The following FRMD4B variants were observed in gnomAD, a reference collection of about 807,000 sequenced individuals.
FRMD4B encodes FERM domain-containing protein 4B.
Under a neutral mutation model 141.5 loss-of-function variants are expected in FRMD4B, and 74 were observed. That is an observed-to-expected ratio of 0.52 (90% CI 0.43 to 0.63). The LOEUF (loss-of-function observed/expected upper bound fraction) is 0.63, where lower values mean the gene tolerates loss of function less well. Ranked by LOEUF, FRMD4B falls within the 30% of genes least tolerant of loss-of-function variation. FRMD4B has a pLI of 0.00. For missense variants in FRMD4B, 1,366 were observed against 1,253.4 expected (o/e 1.09, Z -1.36); for synonymous variants, 506 against 467.9 (o/e 1.08, Z -1.05).
intron 7 of FRMD4B, among the ~76,000 whole-genome samples, chr3:69,238,024 G>A (rs1032512285): frequency 6.6e-6 from 1 of 152,162 alleles, no homozygotes; most frequent in Non-Finnish European, 1.5e-5. Context: ...GAGCCACAGC[G>A]CCCATCCACT....
chr3:69,521,612 C>G (rs554383558), intron 1 of FRMD4B, among the ~76,000 whole-genome samples: 1 of 152,180 alleles, frequency 6.6e-6, no homozygotes, highest in Non-Finnish European at 1.5e-5. Context: ...AAATGCTCAA[C>G]CATGGCCTAC....
intron 1 of FRMD4B, among the ~76,000 whole-genome samples, chr3:69,368,900 A>C (rs1703746696): frequency 1.3e-5 from 2 of 152,172 alleles, no homozygotes; most frequent in Non-Finnish European, 2.9e-5. Flanking sequence ...GGCTCAAGCA[A>C]TTCTCTCACC....
At chr3:69,314,032 G>A (rs1448720699) in intron 1 of FRMD4B, among the ~76,000 whole-genome samples, 6 of 144,550 alleles carry the variant, frequency 4.2e-5, no homozygotes, top group African/African-American at 1.0e-4. Context: ...CCAGCTACTC[G>A]GGAGGCTGAG....
upstream of FRMD4B, among the ~76,000 whole-genome samples, chr3:69,387,027 A>G (rs957760315): frequency 1.3e-5 from 2 of 152,164 alleles, no homozygotes; most frequent in African/African-American, 4.8e-5. Flanking sequence ...TCACTAGATA[A>G]TTAATCTTAT....
intron 1 of FRMD4B, among the ~76,000 whole-genome samples, chr3:69,359,879 C>T (rs772922452): frequency 3.3e-5 from 5 of 152,120 alleles, no homozygotes. Context: ...TCTTGAAATC[C>T]ATTTTACAAA....
In FRMD4B at chr3:69,380,615, G is replaced by A. The variant is rs577937853; in HGVS notation, c.162+5213C>T. 5.4e-4 allele frequency among the ~76,000 whole-genome samples: 82 copies of A among 152,262 alleles called. No homozygotes were observed. In the Middle Eastern group the frequency reaches 0.014, roughly 25 times the overall value. On this transcript the variant is annotated intron_variant, in intron 1 of 22. Transcript: ENST00000398540. The stretch of plus-strand genomic sequence containing the variant: ...TTCAGAGAGGGAAAGCAATTTGTCC[G>A]AGGTCAAATTTGCTCAAGTTGAGCC...
chr3:69,357,877 T>C (rs1168364724), intron 1 of FRMD4B, among the ~76,000 whole-genome samples: 2 of 152,200 alleles, frequency 1.3e-5, no homozygotes, highest in Non-Finnish European at 2.9e-5. Context: ...TCATAACTTC[T>C]CATCCTTCTC....
chr3:69,472,092 A>G (rs9310158), intron 1 of FRMD4B: 37,598 of 177,754 alleles, frequency 0.21, 5,385 homozygotes, highest in African/African-American at 0.43. Context: ...GTCTTCCACT[A>G]GCTTCCAAAG....
intron 1 of FRMD4B, among the ~76,000 whole-genome samples, chr3:69,502,754 A>G (rs1397959709): frequency 6.6e-6 from 1 of 152,208 alleles, no homozygotes; most frequent in East Asian, 1.9e-4. Flanking sequence ...GGCAACTTAC[A>G]GAATGGGAGA....
chr3:69,300,884 C>T (rs996671867), intron 4 of FRMD4B, among the ~76,000 whole-genome samples: 1 of 152,070 alleles, frequency 6.6e-6, no homozygotes, highest in Admixed American at 6.5e-5. Flanking sequence ...TACAGATGCC[C>T]ACCACCAAGC....
chr3:69,236,444 G>C (rs566118297), intron 7 of FRMD4B, among the ~76,000 whole-genome samples: 1 of 152,182 alleles, frequency 6.6e-6, no homozygotes, highest in South Asian at 2.1e-4. Context: ...GGCCAGGCTG[G>C]TCTGGAACTC....
chr3:69,533,156 C>A (rs754875902), intron 1 of FRMD4B, among the ~76,000 whole-genome samples: 3 of 152,180 alleles, frequency 2.0e-5, no homozygotes, highest in Non-Finnish European at 4.4e-5. Flanking sequence ...TATTTGATAA[C>A]TTTGGATGCT....
At chr3:69,418,014 A>T (rs62251450) in intron 2 of FRMD4B, among the ~76,000 whole-genome samples, 41,584 of 152,004 alleles carry the variant, frequency 0.27, 6,142 homozygotes, top group East Asian at 0.44. Flanking sequence ...TGATGGTATG[A>T]AGGGCCCATA....
rs542250197 is a variant in FRMD4B at position 69,380,116 on chromosome 3, G to A, written c.162+5712C>T. On this transcript the variant is annotated intron_variant, in intron 1 of 22. Coordinates refer to ENST00000398540, the MANE Select transcript of FRMD4B (RefSeq NM_015123.3). ...CATTACCAGTTTGTGGATCATTGGA[G>A]TCTTGGATATAGCAAGATTGTCTCT... is the stretch of plus-strand genomic sequence containing the variant. Among the ~76,000 whole-genome samples, 4 of 152,350 alleles carry A rather than the reference G, an allele frequency of 2.6e-5. No individual in the cohort carries two copies. The South Asian group carries it at 6.2e-4, about 24-fold the overall frequency.
chr3:69,294,276 T>C (rs1391781091), intron 4 of FRMD4B, among the ~76,000 whole-genome samples: 2 of 152,206 alleles, frequency 1.3e-5, no homozygotes, highest in East Asian at 3.9e-4. Flanking sequence ...CAGATCCTCA[T>C]CCACATTCTG....
At chr3:69,249,610 T>C (rs1304750840) in intron 6 of FRMD4B, among the ~76,000 whole-genome samples, 1 of 152,222 alleles carries the variant, frequency 6.6e-6, no homozygotes, top group Non-Finnish European at 1.5e-5. Flanking sequence ...ACACATACTA[T>C]TTGTTTTCCC....
At position 69,540,613 on chromosome 3, in the gene FRMD4B, T is replaced by TAAAAAAAAAAAAA. The variant is rs1157655761; in HGVS notation, c.-129+1580_-129+1592dup. Among the ~76,000 whole-genome samples, 3 of 14,010 alleles carry TAAAAAAAAAAAAA rather than the reference T, an allele frequency of 2.1e-4. 1 individual carries two copies. The highest frequency in any genetic ancestry group is 3.8e-4 in the African/African-American group (1 of 2,636). 9.2% of individuals were successfully genotyped at this position (14,010 alleles called of 152,430 possible). On this transcript the variant is annotated intron_variant, in intron 1 of 5. Coordinates refer to the FRMD4B transcript ENST00000459638. Reference sequence around the variant, plus strand: ...GGGCGACAGAGTGAGACTCTGTCTCTAAAAAAAAAAAAAAAAAAAAAAAAT... The same window carrying TAAAAAAAAAAAAA: ...GGGCGACAGAGTGAGACTCTGTCTCTAAAAAAAAAAAAAAAAAAAAAAAAAAAAAAAAAAAAAT...
chr3:69,448,366 C>A (rs1705442495), intron 1 of FRMD4B, among the ~76,000 whole-genome samples: 1 of 152,132 alleles, frequency 6.6e-6, no homozygotes, highest in Non-Finnish European at 1.5e-5. Context: ...ATTTTCATTG[C>A]TTTTCAGTAA....
intron 1 of FRMD4B, among the ~76,000 whole-genome samples, chr3:69,369,064 A>C (rs1006940129): frequency 2.0e-5 from 3 of 152,232 alleles, no homozygotes; most frequent in Non-Finnish European, 4.4e-5. Context: ...GAATACACCT[A>C]TTATGGAGTC....
Sources: gnomAD v4.1 joint callset for allele counts (sites outside exome capture counted in the v4.1 genomes callset) on GRCh38, gnomAD v4.1.1 for gene constraint, MANE v1.5 for transcripts, NCBI Gene and HGNC (gene_info 2026-07-23, HGNC 2026-07-21) for gene names.